Variants in C1R observed in about 807,000 individuals in gnomAD.
C1R encodes the protein complement C1r.
A neutral mutation model predicts 27.6 loss-of-function variants in C1R; 15 were observed. The observed-to-expected ratio is 0.54, with a 90% confidence interval of 0.36 to 0.84. The LOEUF is 0.84. Among genes scored for constraint, C1R ranks in the 40% least tolerant of loss-of-function variants. The probability of loss-of-function intolerance (pLI) is 0.01; values close to 1 mark genes in which losing one functional copy is unlikely to be tolerated. For synonymous variants in C1R, 253 were observed against 228.8 expected, an observed-to-expected ratio of 1.11 and a Z score of -0.95; for missense variants, 544 against 577.9, an observed-to-expected ratio of 0.94 and a Z score of 0.60.
Position 7,089,371 on chromosome 12 carries a change from G to T in C1R, c.690C>A (p.Leu230=). ...GCTCCAGGAACTTGAGGTGCAGGGT[G>T]AGGCCCCGCTCCACCCGGATGCTGT... ...CNYSIRVERG[L]TLHLKFLEPF... is the part of the protein sequence containing the mutation. The change falls in exon 5 of 11, where the codon CTC becomes CTA. Residue 230 remains leucine (L), a synonymous_variant. Transcript: ENST00000647956. The T allele has an allele frequency of 1.3e-6, 1 of 780,700 alleles. No individual in the cohort carries two copies. The highest frequency in any genetic ancestry group is 2.4e-6 in the Non-Finnish European group (1 of 417,910). The allele number at this position is 780,700 out of a possible 1,614,324, so 48.4% of individuals were successfully genotyped here.
Position 7,088,991 on chromosome 12 carries a change from T to C in C1R, c.769-5A>G, listed in dbSNP as rs1565630556. 7 of 716,798 alleles carry C rather than the reference T, an allele frequency of 9.8e-6. No homozygotes were observed. In the South Asian group the frequency reaches 1.1e-4, roughly 11 times the overall value. The allele number at this position is 716,798 out of a possible 1,614,324, so 44.4% of individuals were successfully genotyped here. A position where few individuals can be genotyped will look rare whatever the true frequency, so the allele number is the denominator to read the frequency against. On this transcript the variant is annotated splice_region_variant and splice_polypyrimidine_tract_variant and intron_variant, in intron 5 of 10. Coordinates refer to ENST00000647956, the MANE Select transcript of C1R (RefSeq NM_001733.7). ...GTTCTTCCCGTTGGCATAGATCTAGTAGGGGAGGAGGGTTTTTTTTTTTCA... is the reference window on the plus strand; with the variant it reads ...GTTCTTCCCGTTGGCATAGATCTAGCAGGGGAGGAGGGTTTTTTTTTTTCA...
intron 7 of C1R, 99 bp downstream of exon 7, chr12:7,088,511 G>A (rs773623626): frequency 9.8e-6 from 7 of 717,680 alleles, no homozygotes; most frequent in South Asian, 5.9e-5. Flanking sequence ...AAACGTCTAC[G>A]ACTCCAGCTG....
chr12:7,082,546 T>A (rs1172054691), intron 9 of C1R, among the ~76,000 whole-genome samples: 1 of 152,078 alleles, frequency 6.6e-6, no homozygotes, highest in Non-Finnish European at 1.5e-5. Flanking sequence ...TTAGCCAGGA[T>A]GGTCTCGATC....
Position 7,089,456 on chromosome 12 carries a change from G to T in C1R, c.605C>A (p.Ser202Ter). 1 of 778,014 alleles carries T rather than the reference G, an allele frequency of 1.3e-6. No individual in the cohort carries two copies. Among genetic ancestry groups the T allele is most frequent in the East Asian group, 2.4e-5 (1 of 41,206 alleles). The allele number at this position is 778,014 out of a possible 1,614,324, so 48.2% of individuals were successfully genotyped here. Reference protein sequence around the residue: ...ECSSELYTEASGYISSLEYPR... With the variant: ...ECSSELYTEA ...GTACTCCAGGCTGGAGATGTAGCCTGATGCCTCCGTGTACAGCTCGCTGCT... is the reference window on the plus strand; with the variant it reads ...GTACTCCAGGCTGGAGATGTAGCCTTATGCCTCCGTGTACAGCTCGCTGCT... The change falls in exon 5 of 11, where the codon TCA becomes TAA. Residue 202 changes from serine to a stop codon, truncating the protein, a stop_gained. Transcript: ENST00000647956. LOFTEE classifies it high-confidence loss of function.
chr12:7,090,206 G>T lies in C1R; in HGVS notation c.274C>A (p.Leu92Met), dbSNP rs1166846316. Reference protein sequence around the residue: ...KKSLGRFCGQLGSPLGNPPGK... With the variant: ...KKSLGRFCGQMGSPLGNPPGK... ...GGGGGGTTGCCCAGTGGAGAACCCA[G>T]TTGCCCACAGAACCTCCCCAGGCTT... The change falls in exon 3 of 11, where the codon CTG (leucine) becomes ATG (methionine). Residue 92 changes from leucine (L) to methionine (M), a missense_variant. Leu to Met is a conservative substitution (Grantham distance 15). This residue lies in a region of C1R where 291 missense variants were observed against 209.0 expected (regional missense o/e 1.39). Transcript: ENST00000647956. 2.7e-6 allele frequency: 2 copies of T among 746,194 alleles called. No homozygotes were observed. The highest frequency in any genetic ancestry group is 5.0e-6 in the Non-Finnish European group (2 of 399,402). 46.2% of individuals were successfully genotyped at this position (746,194 alleles called of 1,614,324 possible). A position where few individuals can be genotyped will look rare whatever the true frequency, so the allele number is the denominator to read the frequency against.
In C1R at chr12:7,091,698, A is replaced by G. The variant is rs1459643989; in HGVS notation, c.3-18T>C. The G allele has an allele frequency of 1.4e-6, 1 of 722,302 alleles. No homozygotes were observed. Among genetic ancestry groups the G allele is most frequent in the East Asian group, 2.7e-5 (1 of 37,596 alleles). The allele number at this position is 722,302 out of a possible 1,614,324, so 44.7% of individuals were successfully genotyped here. A position where few individuals can be genotyped will look rare whatever the true frequency, so the allele number is the denominator to read the frequency against. On this transcript the variant is annotated intron_variant, in intron 1 of 10. Coordinates refer to ENST00000647956, the MANE Select transcript of C1R (RefSeq NM_001733.7). The surrounding 1 kb of genome is among the most constrained non-coding windows in gnomAD (Gnocchi z 5.1). ...AGAGCCACCTGCCAAAACAAAAGAG[A>G]GTATCTGGAGCTGGAGGGGTTCAGC...
chr12:7,082,145 T>A (rs1425217002), intron 9 of C1R, 39 bp from the exon 10 acceptor site: 9 of 1,226,910 alleles, frequency 7.3e-6, no homozygotes, highest in Non-Finnish European at 1.0e-5. Context: ...TGGGGGGTGA[T>A]GGGTAAGAAA....
At chr12:7,090,991 C>T (rs962611125) in intron 2 of C1R, among the ~76,000 whole-genome samples, 1 of 152,202 alleles carries the variant, frequency 6.6e-6, no homozygotes, top group Non-Finnish European at 1.5e-5. Context: ...TGGGAAGGTA[C>T]CCTTGGTTGC....
chr12:7,091,941 C>A lies in C1R; in HGVS notation c.3-261G>T, dbSNP rs949665467. On this transcript the variant is annotated intron_variant, in intron 1 of 10. Coordinates refer to ENST00000647956, the MANE Select transcript of C1R (RefSeq NM_001733.7). This position sits in a 1 kb window ranked among gnomAD's most constrained non-coding sequence, Gnocchi z 5.1. ...CCTCACACTCCCTTTCCAGCCTCCT[C>A]CCCTGCCCGGACGCGTCCCTCCCCT... 15 of 644,112 alleles carry A rather than the reference C, an allele frequency of 2.3e-5. No individual in the cohort carries two copies. The East Asian group carries it at 4.3e-4, about 19-fold the overall frequency. 39.9% of individuals were successfully genotyped at this position (644,112 alleles called of 1,614,324 possible).
Position 7,081,000 on chromosome 12 carries a change from C to G in C1R, c.1650G>C (p.Glu550Asp), listed in dbSNP as rs1348574657. ...VSVHPDYRQD[E>D]SYNFEGDIAL... ...CGATGTCCCCCTCAAAATTGTAGGA[C>G]TCATCCTGACGGTAGTCCGGGTGGA... The change falls in exon 11 of 11, where the codon GAG (glutamate) becomes GAC (aspartate). Residue 550 changes from glutamate (E) to aspartate (D), a missense_variant. Physicochemically the swap from Glu to Asp is conservative, Grantham distance 45. This residue lies in a region of C1R where 253 missense variants were observed against 368.9 expected (regional missense o/e 0.69). Coordinates refer to ENST00000647956, the MANE Select transcript of C1R (RefSeq NM_001733.7). This position sits in a 1 kb window ranked among gnomAD's most constrained non-coding sequence, Gnocchi z 4.9. 1.2e-6 allele frequency: 2 copies of G among 1,614,038 alleles called. No homozygotes were observed. Among genetic ancestry groups the G allele is most frequent in the Non-Finnish European group, 1.7e-6 (2 of 1,179,898 alleles).
chr12:7,086,727 G>A (rs1938162419), intron 7 of C1R: 1 of 316,702 alleles, frequency 3.2e-6, no homozygotes, highest in African/African-American at 2.1e-5. Flanking sequence ...ACTGTGGCCT[G>A]TTCCTACTGA....
rs1387120293 is a variant in C1R at position 7,082,866 on chromosome 12, ATCC to A, written c.1274-763_1274-761del. On this transcript the variant is annotated intron_variant, in intron 9 of 10. Coordinates refer to ENST00000647956, the MANE Select transcript of C1R (RefSeq NM_001733.7). ...GTGACACTTGCAGGTGTGTGTTATT[ATCC>A]TCATTTTGTGGATGAGGAAACTGAG... Among the ~76,000 whole-genome samples the A allele has an allele frequency of 6.9e-3, 1,043 of 152,258 alleles. 16 individuals are homozygous for A. The highest frequency in any genetic ancestry group is 0.024 in the African/African-American group (992 of 41,542).
In C1R at chr12:7,081,172, C is replaced by A; in HGVS notation, c.1478G>T (p.Gly493Val). 6.2e-7 allele frequency: 1 copy of A among 1,613,892 alleles called. No individual in the cohort carries two copies. The highest frequency in any genetic ancestry group is 1.3e-5 in the African/African-American group (1 of 75,044). The change falls in exon 11 of 11, where the codon GGC becomes GTC. Residue 493 changes from glycine (G) to valine (V), a missense_variant. Transcript: ENST00000647956. ...GGCAGCTGTGAGGATCCAGCGGTCG[C>A]CCAGCAGGGCCCCGCCCCCGCGCCC... Reference protein sequence around the residue: ...IHGRGGGALLGDRWILTAAHT... With the variant: ...IHGRGGGALLVDRWILTAAHT...
chr12:7,086,060 G>A, intron 8 of C1R, 44 bp from the exon 9 acceptor site: 1 of 398,728 alleles, frequency 2.5e-6, no homozygotes, highest in East Asian at 3.6e-5. Context: ...GAATGACTGT[G>A]CTGGAACTTC....
chr12:7,080,297 C>T lies in C1R; in HGVS notation c.*235G>A. On this transcript the variant is annotated 3_prime_UTR_variant, in exon 11 of 11. Coordinates refer to ENST00000647956, the MANE Select transcript of C1R (RefSeq NM_001733.7). The surrounding 1 kb of genome is among the most constrained non-coding windows in gnomAD (Gnocchi z 4.9). ...GTATCAAAGTGGAAGAGGAAAGTGACAACTAGAGATTGATAACTATATCCT... is the reference window on the plus strand; with the variant it reads ...GTATCAAAGTGGAAGAGGAAAGTGATAACTAGAGATTGATAACTATATCCT... 1 of 1,214,318 alleles carries T rather than the reference C, an allele frequency of 8.2e-7. No homozygotes were observed. Among genetic ancestry groups the T allele is most frequent in the Non-Finnish European group, 1.0e-6 (1 of 975,394 alleles). The allele number at this position is 1,214,318 out of a possible 1,614,324, so 75.2% of individuals were successfully genotyped here.
chr12:7,088,871 C>T lies in C1R; in HGVS notation c.884G>A (p.Ser295Asn). The T allele has an allele frequency of 1.3e-6, 1 of 775,990 alleles. No homozygotes were observed. The highest frequency in any genetic ancestry group is 1.7e-5 in the Admixed American group (1 of 58,370). The allele number at this position is 775,990 out of a possible 1,614,324, so 48.1% of individuals were successfully genotyped here. The change falls in exon 6 of 11, where the codon AGC becomes AAC. Residue 295 changes from serine (S) to asparagine (N), a missense_variant. By Grantham distance (46) the Ser-to-Asn change is conservative (BLOSUM62 1). Around this residue, in one of 2 missense-constraint regions of C1R, gnomAD observed 291 missense variants for 209.0 expected, o/e 1.39. Coordinates refer to ENST00000647956, the MANE Select transcript of C1R (RefSeq NM_001733.7). ...LLFFTDESGD[S>N]RGWKLRYTTE... ...GGTGTAGCGCAGCTTCCAGCCCCGG[C>T]TGTCCCCCGACTCATCTGTGAAGAA...
At chr12:7,092,140 T>A in intron 1 of C1R, 1 of 607,734 alleles carries the variant, frequency 1.6e-6, no homozygotes, top group Non-Finnish European at 3.0e-6. Context: ...TCCCCTCCTC[T>A]CGCTGCTCCC....
chr12:7,080,242 T>C lies in C1R; in HGVS notation c.*290A>G, dbSNP rs1938028397. The C allele has an allele frequency of 1.9e-6, 2 of 1,064,096 alleles. No individual in the cohort carries two copies. The highest frequency in any genetic ancestry group is 1.7e-5 in the African/African-American group (1 of 60,542). The allele number at this position is 1,064,096 out of a possible 1,614,324, so 65.9% of individuals were successfully genotyped here. A position where few individuals can be genotyped will look rare whatever the true frequency, so the allele number is the denominator to read the frequency against. On this transcript the variant is annotated 3_prime_UTR_variant, in exon 11 of 11. Transcript: ENST00000647956. This position sits in a 1 kb window ranked among gnomAD's most constrained non-coding sequence, Gnocchi z 4.9. ...ACTGGCATTTCTCATAAAACTTTAT[T>C]TGGAAAAAGTTATATTCAATGACCC...
rs924455424 is a variant in C1R, at chr12:7,080,659, T to C, written c.1991A>G (p.Asn664Ser). Residue 664 changes from asparagine (N) to serine (S), a missense_variant, in exon 11 of 11, where the codon AAC becomes AGC. Asn to Ser is a conservative substitution (Grantham distance 46). This residue lies in a region of C1R where 253 missense variants were observed against 368.9 expected (regional missense o/e 0.69). Transcript: ENST00000647956. The surrounding 1 kb of genome is among the most constrained non-coding windows in gnomAD (Gnocchi z 4.9). ...GCCCGTGGCCACCCAGCGATCAGTG[T>C]TCGGGTCCCTTACTGCAAAAACGCC... ...SGGVFAVRDP[N>S]TDRWVATGIV... is the part of the protein sequence containing the mutation. The C allele has an allele frequency of 1.2e-6, 2 of 1,613,886 alleles. No homozygotes were observed. The highest frequency in any genetic ancestry group is 2.2e-5 in the East Asian group (1 of 44,860).
Sources: gnomAD v4.1 joint callset for allele counts (sites outside exome capture counted in the v4.1 genomes callset) on GRCh38, gnomAD v4.1.1 for gene constraint, gnomAD v4.1.1 regional missense constraint, Gnocchi (gnomAD v3.1) non-coding constraint, MANE v1.5 for transcripts, NCBI Gene and HGNC (gene_info 2026-07-23, HGNC 2026-07-21) for gene names.